SLC24A1: variants seen among roughly 807,000 people sequenced by gnomAD.
SLC24A1 encodes sodium/potassium/calcium exchanger 1.
SLC24A1 carries 52 observed loss-of-function variants against 88.1 expected under a neutral mutation model. That is an observed-to-expected ratio of 0.59 (90% CI 0.47 to 0.74). SLC24A1 has a LOEUF of 0.74. Ranked by LOEUF, SLC24A1 falls within the 30% of genes least tolerant of loss-of-function variation. The pLI is 0.00. For synonymous variants in SLC24A1, 455 were observed against 498.0 expected (o/e 0.91, Z 1.15); for missense variants, 1,173 against 1,363.3 (o/e 0.86, Z 2.20).
At chr15:65,630,095 T>G (rs2074661796) in intron 2 of SLC24A1, among the ~76,000 whole-genome samples, 1 of 152,108 alleles carries the variant, frequency 6.6e-6, no homozygotes, top group Non-Finnish European at 1.5e-5. Flanking sequence ...TCCTGAGTAG[T>G]TGGGACTACA....
chr15:65,646,496 C>G (rs779942441), intron 6 of SLC24A1, among the ~76,000 whole-genome samples: 36 of 129,578 alleles, frequency 2.8e-4, no homozygotes, highest in Non-Finnish European at 5.5e-4. Flanking sequence ...CCTCCCCAGC[C>G]CCTGGCCAGT....
intron 2 of SLC24A1, among the ~76,000 whole-genome samples, chr15:65,627,217 A>T (rs1415570980): frequency 6.6e-6 from 1 of 152,216 alleles, no homozygotes. Context: ...TCTGCCTCTA[A>T]TGAATTGTGT....
chr15:65,655,944 G>C lies in SLC24A1; in HGVS notation c.*1865G>C. ...CCCGAGAAGACTGATGAAGAGTATG[G>C]AATCATGTTCCAATTCTATATTCTT... On this transcript the variant is annotated 3_prime_UTR_variant, in exon 10 of 10. Transcript: ENST00000261892. 1.0e-6 allele frequency: 1 copy of C among 985,236 alleles called. No individual in the cohort carries two copies. The highest frequency in any genetic ancestry group is 1.2e-6 in the Non-Finnish European group (1 of 829,812). 61.0% of individuals were successfully genotyped at this position (985,236 alleles called of 1,614,324 possible).
chr15:65,618,616 C>T (rs147620822), upstream of SLC24A1, among the ~76,000 whole-genome samples: 1 of 152,244 alleles, frequency 6.6e-6, no homozygotes, highest in African/African-American at 2.4e-5. Flanking sequence ...CTGCTATACC[C>T]GATTTACACA....
At chr15:65,631,756 GC>G (rs1490508022) in intron 2 of SLC24A1, among the ~76,000 whole-genome samples, 2 of 152,076 alleles carry the variant, frequency 1.3e-5, no homozygotes, top group African/African-American at 4.8e-5. Flanking sequence ...GCTTTTAATG[GC>G]AAAAACCGCG....
rs2075649676 is a variant in SLC24A1, at chr15:65,655,469, G to C, written c.*1390G>C. On this transcript the variant is annotated 3_prime_UTR_variant, in exon 10 of 10. Transcript: ENST00000261892. ...AAAGGACACTTGAGTTTTTAAAACT[G>C]TGGTTAAATGTTTTATGTGGAATTT... 1 of 984,960 alleles carries C rather than the reference G, an allele frequency of 1.0e-6. No individual in the cohort carries two copies. Among genetic ancestry groups the C allele is most frequent in the Non-Finnish European group, 1.2e-6 (1 of 829,638 alleles). The allele number at this position is 984,960 out of a possible 1,614,324, so 61.0% of individuals were successfully genotyped here. A position where few individuals can be genotyped will look rare whatever the true frequency, so the allele number is the denominator to read the frequency against.
downstream of SLC24A1, among the ~76,000 whole-genome samples, chr15:65,658,599 T>C (rs2075753884): frequency 6.6e-6 from 1 of 152,246 alleles, no homozygotes; most frequent in African/African-American, 2.4e-5. Context: ...TTGGAATATT[T>C]GAAAAATACA....
chr15:65,631,314 A>G (rs2074716869), intron 2 of SLC24A1, among the ~76,000 whole-genome samples: 2 of 152,252 alleles, frequency 1.3e-5, no homozygotes, highest in African/African-American at 2.4e-5. Context: ...TGCAACCAAC[A>G]GAATTTTTTT....
intron 1 of SLC24A1, chr15:65,612,011 T>G (rs1247596117): frequency 1.3e-5 from 2 of 152,314 alleles, no homozygotes; most frequent in Non-Finnish European, 2.9e-5. Flanking sequence ...ATCCCCTCTT[T>G]GAGGGAAGCA....
At position 65,651,748 on chromosome 15, in the gene SLC24A1, T is replaced by C. The variant is rs1423242263; in HGVS notation, c.2872T>C (p.Trp958Arg). 2 of 1,590,924 alleles carry C rather than the reference T, an allele frequency of 1.3e-6. No homozygotes were observed. The highest frequency in any genetic ancestry group is 1.7e-6 in the Non-Finnish European group (2 of 1,159,134). The change falls in exon 8 of 10, where the codon TGG (tryptophan) becomes CGG (arginine). Residue 958 changes from tryptophan (W) to arginine (R), a missense_variant. By Grantham distance (101) the Trp-to-Arg change is moderately radical. Coordinates refer to ENST00000261892, the MANE Select transcript of SLC24A1 (RefSeq NM_004727.3). ...IAMFSYLMVW[W>R]AHQVGETIGI... is the part of the protein sequence containing the mutation. ...CATGTTCTCATACCTCATGGTGTGGTGGGCTCACCAGGTGAGTGAACAGCA... is the reference window on the plus strand; with the variant it reads ...CATGTTCTCATACCTCATGGTGTGGCGGGCTCACCAGGTGAGTGAACAGCA...
At chr15:65,627,014 A>G (rs2074544071) in intron 2 of SLC24A1, among the ~76,000 whole-genome samples, 1 of 152,166 alleles carries the variant, frequency 6.6e-6, no homozygotes, top group South Asian at 2.1e-4. Context: ...TTGCATGCAG[A>G]GTGGAAGGAC....
chr15:65,639,799 G>A, intron 4 of SLC24A1, 96 bp downstream of exon 4: 1 of 795,356 alleles, frequency 1.3e-6, no homozygotes. Flanking sequence ...CCTAGAGGCA[G>A]TGAGGAGGGA....
At chr15:65,631,918 G>A (rs1372811351) in intron 2 of SLC24A1, among the ~76,000 whole-genome samples, 3 of 152,090 alleles carry the variant, frequency 2.0e-5, no homozygotes, top group East Asian at 1.9e-4. Flanking sequence ...TGCAACCTCC[G>A]CGTCCCAGGT....
rs748717720 is a variant in SLC24A1, at chr15:65,651,773, A to G, written c.2883+14A>G. 8 of 1,436,980 alleles carry G rather than the reference A, an allele frequency of 5.6e-6. No individual in the cohort carries two copies. Among genetic ancestry groups the G allele is most frequent in the Admixed American group, 5.1e-5 (3 of 59,400 alleles). The allele number at this position is 1,436,980 out of a possible 1,614,324, so 89.0% of individuals were successfully genotyped here. A position where few individuals can be genotyped will look rare whatever the true frequency, so the allele number is the denominator to read the frequency against. On this transcript the variant is annotated intron_variant, in intron 8 of 9. Coordinates refer to ENST00000261892, the MANE Select transcript of SLC24A1 (RefSeq NM_004727.3). ...TGGGCTCACCAGGTGAGTGAACAGC[A>G]GGAACGAAATCCTCTACCAGCAGGT... is the stretch of plus-strand genomic sequence containing the variant.
Position 65,625,669 on chromosome 15 carries a change from G to A in SLC24A1, c.1589G>A (p.Gly530Asp). 1 of 1,613,998 alleles carries A rather than the reference G, an allele frequency of 6.2e-7. No individual in the cohort carries two copies. The highest frequency in any genetic ancestry group is 1.1e-5 in the South Asian group (1 of 91,076). ...AACGTGGGCATTGGTACCATTGTGG[G>A]CTCTGCTGTGTTCAACATTCTCTTT... ...HSNVGIGTIV[G>D]SAVFNILFVI... Residue 530 changes from glycine to aspartate, a missense_variant, in exon 2 of 10, where the codon GGC (glycine) becomes GAC (aspartate). Coordinates refer to ENST00000261892, the MANE Select transcript of SLC24A1 (RefSeq NM_004727.3).
In SLC24A1 at chr15:65,634,447, T is replaced by C. The variant is rs373244376; in HGVS notation, c.1891-3681T>C. Among the ~76,000 whole-genome samples, 105 of 152,208 alleles carry C rather than the reference T, an allele frequency of 6.9e-4. 2 individuals are homozygous for C. Among genetic ancestry groups the C allele is most frequent in the African/African-American group, 2.4e-3 (100 of 41,532 alleles). On this transcript the variant is annotated intron_variant, in intron 2 of 9. Transcript: ENST00000261892. ...GTTACCTCAGCCTCTTGCTAACTGT[T>C]GTAAGGAGAAGAAGGTGGGGGTAAC...
chr15:65,632,213 C>T (rs2074753537), intron 2 of SLC24A1, among the ~76,000 whole-genome samples: 1 of 152,088 alleles, frequency 6.6e-6, no homozygotes, highest in Admixed American at 6.5e-5. Context: ...TGTAGGTGTG[C>T]AAGAGTGGAA....
chr15:65,638,406 G>C (rs1442291919), intron 3 of SLC24A1, among the ~76,000 whole-genome samples: 2 of 152,170 alleles, frequency 1.3e-5, no homozygotes. Context: ...AGCTAAGTCT[G>C]GAATGTTACA....
At chr15:65,658,242 G>C (rs2075746058), downstream of SLC24A1, 1 of 152,216 alleles carries the variant, frequency 6.6e-6, no homozygotes, top group Non-Finnish European at 1.5e-5. Flanking sequence ...AAGACACCAA[G>C]TACTAAGGAT....
Sources: gnomAD v4.1 joint callset for allele counts (sites outside exome capture counted in the v4.1 genomes callset) on GRCh38, gnomAD v4.1.1 for gene constraint, MANE v1.5 for transcripts, NCBI Gene and HGNC (gene_info 2026-07-23, HGNC 2026-07-21) for gene names.